Variants in LARP4B observed in about 807,000 individuals in gnomAD.
LARP4B encodes La ribonucleoprotein 4B, also known as la-related protein 4B.
LARP4B carries 12 observed loss-of-function variants against 89.8 expected under a neutral mutation model. That is an observed-to-expected ratio of 0.13 (90% confidence interval 0.09 to 0.22). The LOEUF is 0.22. Among genes scored for constraint, LARP4B ranks in the 10% least tolerant of loss-of-function variants. LARP4B has a pLI of 1.00. For missense variants in LARP4B, 757 were observed against 947.7 expected (o/e 0.80, Z 2.64); for synonymous variants, 367 against 363.3 (o/e 1.01, Z -0.12).
At chr10:834,603 T>C (rs925147976) in intron 8 of LARP4B, among the ~76,000 whole-genome samples, 1 of 152,188 alleles carries the variant, frequency 6.6e-6, no homozygotes, top group African/African-American at 2.4e-5. Flanking sequence ...CTTCCTTTTT[T>C]TCCCCAACTT....
Position 907,954 on chromosome 10 carries a change from C to T in LARP4B, c.-39-22194G>A, listed in dbSNP as rs541944525. ...GGTGCGGTGGCTCACGCCTGTAATC[C>T]TAGCACTTTGGGAGGCCGAGGCAGG... On this transcript the variant is annotated intron_variant, in intron 1 of 17. Coordinates refer to ENST00000316157, the MANE Select transcript of LARP4B (RefSeq NM_015155.3). Among the ~76,000 whole-genome samples, 196 of 152,300 alleles carry T rather than the reference C, an allele frequency of 1.3e-3. 1 individual carries two copies. The highest frequency in any genetic ancestry group is 3.4e-3 in the Middle Eastern group (1 of 294).
the LARP4B span, among the ~76,000 whole-genome samples, chr10:962,274 G>A: frequency 2.9e-5 from 4 of 137,230 alleles, no homozygotes; most frequent in African/African-American, 8.3e-5. Context: ...TCCAGCCTGG[G>A]CAACAAGAGT....
intron 11 of LARP4B, among the ~76,000 whole-genome samples, chr10:826,915 G>A (rs911600243): frequency 6.6e-6 from 1 of 152,194 alleles, no homozygotes; most frequent in Non-Finnish European, 1.5e-5. Context: ...ATACAAAAGG[G>A]AAGTTAGAAT....
At chr10:818,766 T>C (rs971641779) in intron 14 of LARP4B, 13 of 152,356 alleles carry the variant, frequency 8.5e-5, no homozygotes, top group Admixed American at 8.5e-4. Context: ...TATTTTTAGC[T>C]GAAACAATGA....
intron 1 of LARP4B, among the ~76,000 whole-genome samples, chr10:900,420 C>CTTTTT (rs529963345): frequency 0.091 from 4,109 of 45,212 alleles, 1,545 homozygotes; most frequent in East Asian, 0.14. Flanking sequence ...AGAAGGATGT[C>CTTTTT]TTTTTTTTTT....
intron 1 of LARP4B, among the ~76,000 whole-genome samples, chr10:929,300 T>C (rs1015586113): frequency 1.3e-5 from 2 of 152,192 alleles, no homozygotes; most frequent in African/African-American, 4.8e-5. Flanking sequence ...TAGAATATTT[T>C]AAAAATTCAG....
At chr10:984,876 G>A in the LARP4B span, among the ~76,000 whole-genome samples, 1 of 152,184 alleles carries the variant, frequency 6.6e-6, no homozygotes, top group Admixed American at 6.5e-5. Context: ...AGGTTGCAGT[G>A]AGCCAAGATC....
At chr10:892,632 C>G (rs1836065724) in intron 1 of LARP4B, among the ~76,000 whole-genome samples, 1 of 151,938 alleles carries the variant, frequency 6.6e-6, no homozygotes, top group East Asian at 1.9e-4. Flanking sequence ...CTCCACCTCC[C>G]AGGTTCATGC....
At chr10:963,980 T>G in the LARP4B span, among the ~76,000 whole-genome samples, 1 of 152,172 alleles carries the variant, frequency 6.6e-6, no homozygotes, top group Non-Finnish European at 1.5e-5. Flanking sequence ...AGGGAGAATG[T>G]GGTAAGTTCC....
intron 5 of LARP4B, among the ~76,000 whole-genome samples, chr10:855,497 C>G (rs1834255722): frequency 6.6e-6 from 1 of 151,930 alleles, no homozygotes; most frequent in African/African-American, 2.4e-5. Context: ...GAGAGAGAGA[C>G]AAGGGAAGAG....
At chr10:843,831 G>A (rs1223910510) in intron 6 of LARP4B, among the ~76,000 whole-genome samples, 1 of 152,150 alleles carries the variant, frequency 6.6e-6, no homozygotes, top group Non-Finnish European at 1.5e-5. Flanking sequence ...TCACCAGAGG[G>A]CCTATATCCA....
chr10:951,808 G>C, the LARP4B span, among the ~76,000 whole-genome samples: 3 of 134,172 alleles, frequency 2.2e-5, no homozygotes, highest in East Asian at 1.9e-4. Context: ...CACCAGCCCA[G>C]AACCAACTGC....
At chr10:981,079 C>G in the LARP4B span, among the ~76,000 whole-genome samples, 1 of 152,204 alleles carries the variant, frequency 6.6e-6, no homozygotes, top group Non-Finnish European at 1.5e-5. Flanking sequence ...CTTTTTAGTT[C>G]AAACTTCCAC....
chr10:869,943 TAATAATA>T, intron 3 of LARP4B: 1 of 176,300 alleles, frequency 5.7e-6, no homozygotes, highest in African/African-American at 2.6e-5. Context: ...ATAATAATAA[TAATAATA>T]AATTAAAATG....
chr10:873,538 G>GT (rs948153097), intron 3 of LARP4B: 2 of 420,122 alleles, frequency 4.8e-6, no homozygotes, highest in Admixed American at 1.3e-4. Flanking sequence ...TGGGATGGTG[G>GT]TAACTAAATA....
the LARP4B span, among the ~76,000 whole-genome samples, chr10:950,787 T>A: frequency 6.6e-6 from 1 of 152,216 alleles, no homozygotes; most frequent in African/African-American, 2.4e-5. Context: ...GGTATCTTTG[T>A]ATTCATTACT....
rs1326373617 is a variant in LARP4B at position 817,815 on chromosome 10, A to G, written c.1605T>C (p.Pro535=). ...AATTGCCGGCAGCTCCAGGTAATGGAGGGAAGCTGGACAGCCCCAGCTCGA... is the reference window on the plus strand; with the variant it reads ...AATTGCCGGCAGCTCCAGGTAATGGGGGGAAGCTGGACAGCCCCAGCTCGA... The part of the protein sequence containing the change: ...PSFELGLSSF[P]PLPGAAGNLK... Residue 535 remains proline, a synonymous_variant, in exon 15 of 18, where the codon CCT becomes CCC. Coordinates refer to ENST00000316157, the MANE Select transcript of LARP4B (RefSeq NM_015155.3). The G allele has an allele frequency of 6.2e-7, 1 of 1,614,150 alleles. No homozygotes were observed. Among genetic ancestry groups the G allele is most frequent in the Non-Finnish European group, 8.5e-7 (1 of 1,180,020 alleles).
chr10:980,887 G>A, the LARP4B span, among the ~76,000 whole-genome samples: 1 of 152,170 alleles, frequency 6.6e-6, no homozygotes, highest in East Asian at 1.9e-4. Context: ...TTCTTTCTGT[G>A]CCACATGGCC....
intron 1 of LARP4B, among the ~76,000 whole-genome samples, chr10:894,606 G>C (rs1836133097): frequency 6.6e-6 from 1 of 152,068 alleles, no homozygotes; most frequent in Non-Finnish European, 1.5e-5. Flanking sequence ...GGTTGCCTAG[G>C]TAATAAAGAC....
Sources: allele counts gnomAD v4.1 joint callset (sites outside exome capture counted in the v4.1 genomes callset), GRCh38; gene constraint gnomAD v4.1.1; transcripts MANE v1.5; gene names NCBI Gene and HGNC (gene_info 2026-07-23, HGNC 2026-07-21).